TMEM87A: variants seen among roughly 807,000 people sequenced by gnomAD.
The protein encoded by TMEM87A is transmembrane protein 87A.
In TMEM87A, 50 loss-of-function variants were observed where a neutral mutation model predicts 90.0. That is an observed-to-expected ratio of 0.56 (90% CI 0.44 to 0.70). The LOEUF is 0.70. TMEM87A is among the 30% of genes least tolerant of loss of function. The probability of loss-of-function intolerance (pLI) is 0.00; values close to 1 mark genes in which losing one functional copy is unlikely to be tolerated. For missense variants in TMEM87A, 577 were observed against 660.5 expected (o/e 0.87, Z 1.39); for synonymous variants, 226 against 226.7 (o/e 1.00, Z 0.03).
intron 8 of TMEM87A, among the ~76,000 whole-genome samples, chr15:42,238,003 ATATGTGTG>A (rs60573897): frequency 0.74 from 111,893 of 150,754 alleles, 45,827 homozygotes; most frequent in Non-Finnish European, 0.92. Flanking sequence ...GTATATATAT[ATATGTGTG>A]TGTGTGTGTG....
chr15:42,219,122 T>C (rs1411607043), intron 17 of TMEM87A, among the ~76,000 whole-genome samples: 2 of 152,232 alleles, frequency 1.3e-5, no homozygotes, highest in Admixed American at 6.5e-5. Flanking sequence ...TGAGGTGTTA[T>C]CTCACTGTGG....
At chr15:42,258,180 T>C in intron 6 of TMEM87A, 1 of 974,580 alleles carries the variant, frequency 1.0e-6, no homozygotes, top group African/African-American at 1.8e-5. Flanking sequence ...AACGATGCAA[T>C]ACAATATTTA....
intron 4 of TMEM87A, among the ~76,000 whole-genome samples, chr15:42,261,843 C>T (rs1005617655): frequency 9.9e-5 from 15 of 152,088 alleles, no homozygotes; most frequent in Admixed American, 9.2e-4. Context: ...ACCGTGTTAG[C>T]CAGGATGGTC....
chr15:42,266,361 C>T (rs141858875), intron 3 of TMEM87A, among the ~76,000 whole-genome samples: 1 of 151,840 alleles, frequency 6.6e-6, no homozygotes, highest in Non-Finnish European at 1.5e-5. Flanking sequence ...ACTAAAAATA[C>T]AAAAATTAGC....
chr15:42,221,043 G>C (rs1052279672), intron 15 of TMEM87A, among the ~76,000 whole-genome samples: 6 of 152,220 alleles, frequency 3.9e-5, no homozygotes, highest in Non-Finnish European at 5.9e-5. Flanking sequence ...GGGAGGCTGA[G>C]ACAGCCTCAG....
rs2050407852 is a variant in TMEM87A, at chr15:42,217,842, A to G, written c.1596-9T>C. 1 of 1,612,110 alleles carries G rather than the reference A, an allele frequency of 6.2e-7. No homozygotes were observed. Among genetic ancestry groups the G allele is most frequent in the South Asian group, 1.1e-5 (1 of 90,552 alleles). On this transcript the variant is annotated splice_polypyrimidine_tract_variant and intron_variant, in intron 18 of 19. Transcript: ENST00000389834. ...GAAGGGCTGGAAGTGCTCTGCAAAG[A>G]GAGAGAAATACTAAATTGAACAATG...
chr15:42,215,834 C>T (rs961812576), intron 19 of TMEM87A, among the ~76,000 whole-genome samples: 1 of 152,092 alleles, frequency 6.6e-6, no homozygotes, highest in Admixed American at 6.5e-5. Context: ...ATGAAAGCTC[C>T]TCAAAAAAAT....
chr15:42,216,029 T>A (rs1413750211), intron 19 of TMEM87A, among the ~76,000 whole-genome samples: 1 of 152,170 alleles, frequency 6.6e-6, no homozygotes, highest in African/African-American at 2.4e-5. Context: ...ATGTTACATA[T>A]ATACAATGGA....
chr15:42,236,457 G>A, intron 9 of TMEM87A, 38 bp from the exon 10 acceptor site: 1 of 1,591,136 alleles, frequency 6.3e-7, no homozygotes, highest in Non-Finnish European at 8.6e-7. Context: ...CCATAATCTA[G>A]GTTTGGCAAC....
Position 42,237,431 on chromosome 15 carries a change from C to A in TMEM87A, c.868+1G>T. 1 of 1,613,190 alleles carries A rather than the reference C, an allele frequency of 6.2e-7. No individual in the cohort carries two copies. Among genetic ancestry groups the A allele is most frequent in the South Asian group, 1.1e-5 (1 of 90,932 alleles). The stretch of plus-strand genomic sequence containing the variant: ...CTGGCAAAGATTTTCTGGTTACTTA[C>A]CAGATTCTCCTTTGTATCGGATATT... On this transcript the variant is annotated splice_donor_variant, in intron 9 of 19. Coordinates refer to ENST00000389834, the MANE Select transcript of TMEM87A (RefSeq NM_015497.5). LOFTEE classifies it high-confidence loss of function.
intron 4 of TMEM87A, 79 bp from the exon 5 acceptor site, chr15:42,261,328 G>T: frequency 7.9e-7 from 1 of 1,266,192 alleles, no homozygotes; most frequent in Non-Finnish European, 1.1e-6. Context: ...ACAAAGAAAT[G>T]GTTAGAACAA....
At chr15:42,219,091 T>G (rs1237051303) in intron 17 of TMEM87A, 1 of 155,196 alleles carries the variant, frequency 6.4e-6, no homozygotes, top group Non-Finnish European at 1.4e-5. Context: ...TTCATTTTGA[T>G]AAATGCCATT....
chr15:42,263,263 T>C (rs141069065), intron 4 of TMEM87A, among the ~76,000 whole-genome samples: 283 of 152,312 alleles, frequency 1.9e-3, no homozygotes, highest in African/African-American at 6.4e-3. Context: ...TGGATGAACC[T>C]TAAAAACATT....
chr15:42,255,746 A>T (rs2051166484), intron 6 of TMEM87A, among the ~76,000 whole-genome samples: 3 of 151,726 alleles, frequency 2.0e-5, no homozygotes, highest in African/African-American at 4.8e-5. Flanking sequence ...CATGCAGAGG[A>T]CCTTTCTTCC....
At chr15:42,263,963 T>A (rs1239208860) in intron 4 of TMEM87A, 127 bp downstream of exon 4, 2 of 671,704 alleles carry the variant, frequency 3.0e-6, no homozygotes, top group Admixed American at 2.7e-5. Flanking sequence ...TATGTACCTA[T>A]CAGAACATGC....
intron 9 of TMEM87A, among the ~76,000 whole-genome samples, chr15:42,236,774 AAC>A (rs1396253930): frequency 6.6e-6 from 1 of 152,208 alleles, no homozygotes; most frequent in African/African-American, 2.4e-5. Context: ...AAAAGCACAA[AAC>A]ACACTCGTGT....
intron 6 of TMEM87A, among the ~76,000 whole-genome samples, 185 bp downstream of exon 6, chr15:42,260,773 A>C (rs1023318026): frequency 4.6e-5 from 7 of 152,232 alleles, no homozygotes; most frequent in African/African-American, 1.4e-4. Flanking sequence ...AGAAAACACA[A>C]AGAAACTAAA....
Position 42,218,506 on chromosome 15 carries a change from C to T in TMEM87A, c.1540-128G>A, listed in dbSNP as rs144594783. Reference sequence around the variant, plus strand: ...ATACATTCACAAATGGGACTGCTGACAGAAAAGTCAAATATTTTAATTTTT... The same window carrying T: ...ATACATTCACAAATGGGACTGCTGATAGAAAAGTCAAATATTTTAATTTTT... On this transcript the variant is annotated intron_variant, in intron 17 of 19. Coordinates refer to ENST00000389834, the MANE Select transcript of TMEM87A (RefSeq NM_015497.5). 4 of 769,340 alleles carry T rather than the reference C, an allele frequency of 5.2e-6. No homozygotes were observed. In the African/African-American group the frequency reaches 5.3e-5, roughly 10 times the overall value. 47.7% of individuals were successfully genotyped at this position (769,340 alleles called of 1,614,324 possible). A position where few individuals can be genotyped will look rare whatever the true frequency, so the allele number is the denominator to read the frequency against.
rs961456056 is a variant in TMEM87A at position 42,273,304 on chromosome 15, G to A, written c.95C>T (p.Ala32Val). Reference protein sequence around the residue: ...SPLSFFSAGPATVAAADRSKW... With the variant: ...SPLSFFSAGPVTVAAADRSKW... ...GGACCGGTCGGCAGCAGCTACGGTTGCCGGTCCCGCACTGAAAAACGACAG... is the reference window on the plus strand; with the variant it reads ...GGACCGGTCGGCAGCAGCTACGGTTACCGGTCCCGCACTGAAAAACGACAG... Residue 32 changes from alanine to valine, a missense_variant, in exon 1 of 20, where the codon GCA (alanine) becomes GTA (valine). By Grantham distance (64) the Ala-to-Val change is moderately conservative. Coordinates refer to ENST00000389834, the MANE Select transcript of TMEM87A (RefSeq NM_015497.5). 1 of 1,614,178 alleles carries A rather than the reference G, an allele frequency of 6.2e-7. No individual in the cohort carries two copies. The highest frequency in any genetic ancestry group is 8.5e-7 in the Non-Finnish European group (1 of 1,180,034).
Sources: allele counts gnomAD v4.1 joint callset (sites outside exome capture counted in the v4.1 genomes callset), GRCh38; gene constraint gnomAD v4.1.1; transcripts MANE v1.5; gene names NCBI Gene and HGNC (gene_info 2026-07-23, HGNC 2026-07-21).